Variants in RYK observed in about 807,000 individuals in gnomAD.
The protein encoded by RYK is inactive tyrosine-protein kinase RYK.
Under a neutral mutation model 70.2 loss-of-function variants are expected in RYK, and 21 were observed. That is an observed-to-expected ratio of 0.30 (90% CI 0.21 to 0.43). The LOEUF (loss-of-function observed/expected upper bound fraction) is 0.43, where lower values mean the gene tolerates loss of function less well. Ranked by LOEUF, RYK falls within the 20% of genes least tolerant of loss-of-function variation. The pLI is 1.00. For synonymous variants in RYK, 267 were observed against 278.0 expected (o/e 0.96, Z 0.39); for missense variants, 604 against 753.3 (o/e 0.80, Z 2.32).
intron 4 of RYK, among the ~76,000 whole-genome samples, chr3:134,208,675 A>G (rs2014291370): frequency 6.6e-6 from 1 of 152,284 alleles, no homozygotes; most frequent in East Asian, 1.9e-4. Flanking sequence ...ACTGATTTCA[A>G]TTGGGAAATT....
intron 13 of RYK, among the ~76,000 whole-genome samples, chr3:134,167,707 G>A (rs552541235): frequency 1.9e-4 from 29 of 152,316 alleles, no homozygotes; most frequent in African/African-American, 5.8e-4. Context: ...TCAGGACATA[G>A]GCATGAGCAA....
chr3:134,241,799 C>T (rs2015333185), intron 1 of RYK, among the ~76,000 whole-genome samples: 1 of 152,182 alleles, frequency 6.6e-6, no homozygotes, highest in Non-Finnish European at 1.5e-5. Flanking sequence ...CTGTTAATTG[C>T]CCACAACCTC....
intron 6 of RYK, among the ~76,000 whole-genome samples, chr3:134,199,632 G>A (rs533161089): frequency 1.3e-5 from 2 of 152,308 alleles, no homozygotes; most frequent in African/African-American, 4.8e-5. Context: ...TATGCAGAGA[G>A]AGAAGCAGCA....
chr3:134,188,429 C>T lies in RYK; in HGVS notation c.1102+408G>A, dbSNP rs768663203. ...TGGCCACCTCGGCCTCCCAAAGTGCCGGGATTACAGGCATGAGCCACTGCA... is the reference window on the plus strand; with the variant it reads ...TGGCCACCTCGGCCTCCCAAAGTGCTGGGATTACAGGCATGAGCCACTGCA... On this transcript the variant is annotated intron_variant, in intron 9 of 14. Coordinates refer to ENST00000623711, the MANE Select transcript of RYK (RefSeq NM_002958.4). 3.9e-5 allele frequency among the ~76,000 whole-genome samples: 6 copies of T among 151,902 alleles called. No homozygotes were observed. In the East Asian group the frequency reaches 9.7e-4, roughly 25 times the overall value.
intron 1 of RYK, among the ~76,000 whole-genome samples, chr3:134,247,218 T>C (rs1213175178): frequency 2.0e-5 from 3 of 152,184 alleles, no homozygotes; most frequent in South Asian, 4.2e-4. Context: ...CATTGGAGGA[T>C]TTAAGAGAGA....
chr3:134,246,496 A>T (rs2015472286), intron 1 of RYK, among the ~76,000 whole-genome samples: 1 of 152,066 alleles, frequency 6.6e-6, no homozygotes, highest in Non-Finnish European at 1.5e-5. Context: ...AACCACACAA[A>T]AACTTATAAA....
At chr3:134,246,303 T>TACACAC (rs71139521) in intron 1 of RYK, among the ~76,000 whole-genome samples, 139 of 89,184 alleles carry the variant, frequency 1.6e-3, no homozygotes, top group African/African-American at 5.0e-3. Flanking sequence ...CAGAAAGAAA[T>TACACAC]ACACACACAC....
At chr3:134,235,292 G>A (rs562805919) in intron 1 of RYK, among the ~76,000 whole-genome samples, 25 of 150,844 alleles carry the variant, frequency 1.7e-4, no homozygotes, top group African/African-American at 6.1e-4. Context: ...TCAATGCATG[G>A]TTAATATATG....
intron 1 of RYK, among the ~76,000 whole-genome samples, chr3:134,242,067 G>A (rs2015338946): frequency 6.6e-6 from 1 of 152,168 alleles, no homozygotes; most frequent in Non-Finnish European, 1.5e-5. Context: ...TTTGAAAGGA[G>A]GCCAAGGTGG....
intron 10 of RYK, chr3:134,179,507 A>G (rs993099305): frequency 2.0e-5 from 3 of 152,242 alleles, no homozygotes; most frequent in Non-Finnish European, 2.9e-5. Context: ...TCCACTTTAT[A>G]TGCAAGGAAA....
chr3:134,168,552 A>G (rs1301726091), intron 13 of RYK, among the ~76,000 whole-genome samples: 4 of 144,684 alleles, frequency 2.8e-5, no homozygotes, highest in Admixed American at 7.1e-5. Flanking sequence ...GTTCACACTC[A>G]TAGGTGGGAA....
At chr3:134,171,113 ATAAC>A (rs748152592) in intron 13 of RYK, 1 of 152,228 alleles carries the variant, frequency 6.6e-6, no homozygotes, top group African/African-American at 2.4e-5. Context: ...AACAAACTAA[ATAAC>A]TAACTAAAGT....
At chr3:134,195,881 G>A (rs1677386327) in intron 6 of RYK, among the ~76,000 whole-genome samples, 1 of 151,928 alleles carries the variant, frequency 6.6e-6, no homozygotes, top group Admixed American at 6.6e-5. Context: ...GGGAGGTGGA[G>A]TTTGCAGTGA....
At chr3:134,229,737 A>G (rs2015008209) in intron 1 of RYK, among the ~76,000 whole-genome samples, 1 of 152,178 alleles carries the variant, frequency 6.6e-6, no homozygotes, top group Non-Finnish European at 1.5e-5. Context: ...TAACCAAATT[A>G]AATAAAATGG....
Position 134,207,459 on chromosome 3 carries a change from C to T in RYK, c.643+13G>A, listed in dbSNP as rs973888558. On this transcript the variant is annotated intron_variant, in intron 5 of 14. Coordinates refer to ENST00000623711, the MANE Select transcript of RYK (RefSeq NM_002958.4). ...TTTCTAATAATGGATAAAGATAATA[C>T]AGTAACACTTACAAATAGTTCTGCT... The T allele has an allele frequency of 2.1e-5, 32 of 1,507,476 alleles. No individual in the cohort carries two copies. Among genetic ancestry groups the T allele is most frequent in the Non-Finnish European group, 2.9e-5 (32 of 1,115,402 alleles). 93.4% of individuals were successfully genotyped at this position (1,507,476 alleles called of 1,614,324 possible). A position where few individuals can be genotyped will look rare whatever the true frequency, so the allele number is the denominator to read the frequency against.
intron 6 of RYK, among the ~76,000 whole-genome samples, chr3:134,199,804 G>A (rs964959575): frequency 4.6e-5 from 7 of 152,054 alleles, no homozygotes; most frequent in African/African-American, 9.7e-5. Flanking sequence ...CTTCTGGGTC[G>A]GGTGGGGACT....
intron 1 of RYK, among the ~76,000 whole-genome samples, chr3:134,234,887 TA>T (rs1037624961): frequency 6.6e-6 from 1 of 152,056 alleles, no homozygotes; most frequent in African/African-American, 2.4e-5. Flanking sequence ...GAACCAAATA[TA>T]AGTATGACCA....
intron 4 of RYK, among the ~76,000 whole-genome samples, chr3:134,208,704 CAA>C (rs1409346572): frequency 2.0e-5 from 3 of 152,116 alleles, no homozygotes; most frequent in African/African-American, 7.2e-5. Context: ...GAAAGTTTAA[CAA>C]AGAGGCTGAG....
chr3:134,249,839 G>T (rs2015560782), intron 1 of RYK, among the ~76,000 whole-genome samples: 1 of 150,156 alleles, frequency 6.7e-6, no homozygotes, highest in Non-Finnish European at 1.5e-5. Flanking sequence ...CTAAGCATAT[G>T]CTCCAAATCT....
Sources: allele counts gnomAD v4.1 joint callset (sites outside exome capture counted in the v4.1 genomes callset), GRCh38; gene constraint gnomAD v4.1.1; transcripts MANE v1.5; gene names NCBI Gene and HGNC (gene_info 2026-07-23, HGNC 2026-07-21).